UBQLN4: variants seen among roughly 807,000 people sequenced by gnomAD.
UBQLN4 encodes the protein ubiquilin-4.
UBQLN4 carries 11 observed loss-of-function variants against 60.4 expected under a neutral mutation model. The ratio of observed to expected loss-of-function variants is 0.18; its 90% confidence interval spans 0.11 to 0.30. The LOEUF (loss-of-function observed/expected upper bound fraction) is 0.30. Among genes scored for constraint, UBQLN4 ranks in the 10% least tolerant of loss-of-function variants. The pLI is 1.00. For synonymous variants in UBQLN4, 258 were observed against 313.1 expected (o/e 0.82, Z 1.86); for missense variants, 417 against 795.5 (o/e 0.52, Z 5.72).
Position 156,042,195 on chromosome 1 carries a change from C to T in UBQLN4, c.1308G>A (p.Leu436=), listed in dbSNP as rs1683585681. ...NVPLFAGNPQ[L]QEQLRLQLPV... The stretch of plus-strand genomic sequence containing the variant: ...GGAGCTGCAGGCGGAGCTGCTCCTG[C>T]AGTTGGGGGTTCCCCGCGAAGAGCG... Residue 436 remains leucine (L), a synonymous_variant, in exon 8 of 11, where the codon CTG becomes CTA. Transcript: ENST00000368309. 4.4e-6 allele frequency: 7 copies of T among 1,607,924 alleles called. No homozygotes were observed. The highest frequency in any genetic ancestry group is 5.9e-6 in the Non-Finnish European group (7 of 1,177,450).
Position 156,051,013 on chromosome 1 carries a change from T to C in UBQLN4, c.478+97A>G, listed in dbSNP as rs1293934180. On this transcript the variant is annotated intron_variant, in intron 3 of 10. Transcript: ENST00000368309. Reference sequence around the variant, plus strand: ...TCTGTCATGGGGTCCCCTATCCCCATCAGACCAGGAGCAGGAACTCCTGTT... The same window carrying C: ...TCTGTCATGGGGTCCCCTATCCCCACCAGACCAGGAGCAGGAACTCCTGTT... The C allele has an allele frequency of 9.7e-6, 12 of 1,240,702 alleles. No individual in the cohort carries two copies. In the Admixed American group the frequency reaches 1.8e-4, roughly 19 times the overall value. The allele number at this position is 1,240,702 out of a possible 1,614,324, so 76.9% of individuals were successfully genotyped here. A position where few individuals can be genotyped will look rare whatever the true frequency, so the allele number is the denominator to read the frequency against.
At position 156,035,977 on chromosome 1, in the gene UBQLN4, G is replaced by A; in HGVS notation, c.*1001C>T. The A allele has an allele frequency of 9.1e-6, 9 of 985,778 alleles. No homozygotes were observed. Among genetic ancestry groups the A allele is most frequent in the Non-Finnish European group, 9.6e-6 (8 of 830,162 alleles). 61.1% of individuals were successfully genotyped at this position (985,778 alleles called of 1,614,324 possible). On this transcript the variant is annotated 3_prime_UTR_variant, in exon 11 of 11. Coordinates refer to ENST00000368309, the MANE Select transcript of UBQLN4 (RefSeq NM_020131.5). ...ACCCCCTTCATGTCTTTTGAGGGGG[G>A]CTCAAACTACTGGTGCCTGGGGACA...
rs200121599 is a variant in UBQLN4, at chr1:156,051,255, C to T, written c.333G>A (p.Thr111=). 1.5e-4 allele frequency: 230 copies of T among 1,585,938 alleles called. 3 individuals are homozygous for T. The East Asian group carries it at 4.7e-3, about 32-fold the overall frequency. ...TPDPASAPST[T]PASPATPAQP... ...GGGCAGGGGTGGCGGGTGAAGCAGG[C>T]GTGGTGGAGGGTGCTGAGGCAGGGT... Residue 111 remains threonine, a synonymous_variant, in exon 3 of 11, where the codon ACG becomes ACA. Transcript: ENST00000368309.
intron 4 of UBQLN4, among the ~76,000 whole-genome samples, chr1:156,049,381 G>C (rs893015551): frequency 6.6e-6 from 1 of 152,198 alleles, no homozygotes; most frequent in African/African-American, 2.4e-5. Context: ...GAAGATGGGG[G>C]CTTTCTTCTA....
intron 6 of UBQLN4, 34 bp downstream of exon 6, chr1:156,043,964 G>A (rs2102746356): frequency 1.2e-6 from 2 of 1,605,946 alleles, no homozygotes; most frequent in Non-Finnish European, 1.7e-6. Context: ...CTGCCCTGGT[G>A]ACCCCACTAA....
chr1:156,042,967 C>T (rs1270545107), intron 6 of UBQLN4, 54 bp from the exon 7 acceptor site: 28 of 1,584,772 alleles, frequency 1.8e-5, no homozygotes, highest in African/African-American at 6.8e-5. Context: ...AGATGGAAAC[C>T]GAAGGCCTCA....
chr1:156,042,998 G>T, intron 6 of UBQLN4, 85 bp from the exon 7 acceptor site: 1 of 1,498,066 alleles, frequency 6.7e-7, no homozygotes, highest in South Asian at 1.3e-5. Flanking sequence ...CCTTACTTCA[G>T]ACACCGAATG....
chr1:156,051,920 A>G, intron 1 of UBQLN4, 63 bp from the exon 2 acceptor site: 1 of 1,598,318 alleles, frequency 6.3e-7, no homozygotes, highest in South Asian at 1.1e-5. Context: ...AGGGACCCTG[A>G]CTCTTTTTCA....
chr1:156,034,825 C>CCATATATATATATA, downstream of UBQLN4, among the ~76,000 whole-genome samples: 1 of 46,384 alleles, frequency 2.2e-5, no homozygotes, highest in East Asian at 3.4e-4. Context: ...CCTTAACCTT[C>CCATATATATATATA]TATATATATA....
rs529074387 is a variant in UBQLN4, at chr1:156,051,407, T to C, written c.261-80A>G. 11 of 1,501,068 alleles carry C rather than the reference T, an allele frequency of 7.3e-6. No individual in the cohort carries two copies. In the Admixed American group the frequency reaches 1.6e-4, roughly 21 times the overall value. The allele number at this position is 1,501,068 out of a possible 1,614,324, so 93.0% of individuals were successfully genotyped here. A position where few individuals can be genotyped will look rare whatever the true frequency, so the allele number is the denominator to read the frequency against. On this transcript the variant is annotated intron_variant, in intron 2 of 10. Transcript: ENST00000368309. ...ACCGTGACAATCTCTGTGCTTGCTA[T>C]GGGACAACTATTTTAACCCAAGACC...
chr1:156,041,411 A>G, intron 10 of UBQLN4, 74 bp downstream of exon 10: 2 of 1,456,508 alleles, frequency 1.4e-6, no homozygotes, highest in Non-Finnish European at 1.8e-6. Flanking sequence ...TACTGCCTCT[A>G]TTCTATTGCT....
chr1:156,033,385 TTTG>T, downstream of UBQLN4: 1 of 753,052 alleles, frequency 1.3e-6, no homozygotes, highest in Non-Finnish European at 1.6e-6. Flanking sequence ...TTTTTTTTGT[TTTG>T]TTTTGTTTTG....
At chr1:156,031,578 T>C (rs1310469761), downstream of UBQLN4, among the ~76,000 whole-genome samples, 2 of 35,142 alleles carry the variant, frequency 5.7e-5, no homozygotes, top group Non-Finnish European at 2.5e-4. Context: ...GAACTTCTTC[T>C]TTTTTTTTTT....
intron 5 of UBQLN4, among the ~76,000 whole-genome samples, chr1:156,046,550 A>G (rs540126863): frequency 6.7e-6 from 1 of 150,186 alleles, no homozygotes; most frequent in Admixed American, 6.7e-5. Flanking sequence ...TGTATTAAAA[A>G]AAAAAAAAGC....
intron 5 of UBQLN4, among the ~76,000 whole-genome samples, chr1:156,045,316 G>A (rs1479904870): frequency 1.3e-5 from 2 of 152,202 alleles, no homozygotes; most frequent in African/African-American, 2.4e-5. Flanking sequence ...ACAGGCCAGG[G>A]TTCATGCACC....
intron 5 of UBQLN4, among the ~76,000 whole-genome samples, chr1:156,045,188 A>T (rs926294093): frequency 2.0e-5 from 3 of 152,096 alleles, no homozygotes; most frequent in Admixed American, 2.0e-4. Flanking sequence ...AGGGTTTCAT[A>T]TTGAGCTGCT....
At chr1:156,042,027 AGG>A (rs1456353395) in intron 8 of UBQLN4, 40 bp from the exon 9 acceptor site, 1 of 1,612,996 alleles carries the variant, frequency 6.2e-7, no homozygotes, top group South Asian at 1.1e-5. Flanking sequence ...AAGAGGTGGC[AGG>A]AAAGAGGAGA....
intron 5 of UBQLN4, among the ~76,000 whole-genome samples, chr1:156,047,679 A>T (rs1203831400): frequency 4.0e-5 from 6 of 151,320 alleles, no homozygotes; most frequent in African/African-American, 1.2e-4. Context: ...GCGGATCATG[A>T]GGTCAGGAGA....
chr1:156,039,417 A>G (rs906953965), intron 10 of UBQLN4, among the ~76,000 whole-genome samples: 1 of 151,020 alleles, frequency 6.6e-6, no homozygotes, highest in East Asian at 2.0e-4. Flanking sequence ...CACCCAGCTA[A>G]TTTTGTATTT....
Sources: allele counts gnomAD v4.1 joint callset (sites outside exome capture counted in the v4.1 genomes callset), GRCh38; gene constraint gnomAD v4.1.1; transcripts MANE v1.5; gene names NCBI Gene and HGNC (gene_info 2026-07-23, HGNC 2026-07-21).